ARPC3: variants seen among roughly 807,000 people sequenced by gnomAD.
The protein encoded by ARPC3 is actin-related protein 2/3 complex subunit 3.
A neutral mutation model predicts 27.6 loss-of-function variants in ARPC3; 12 were observed. That is an observed-to-expected ratio of 0.43 (90% CI 0.28 to 0.70). The LOEUF (loss-of-function observed/expected upper bound fraction) is 0.70, where lower values mean the gene tolerates loss of function less well. Among genes scored for constraint, ARPC3 ranks in the 30% least tolerant of loss-of-function variants. The pLI is 0.17. For synonymous variants in ARPC3, 53 were observed against 67.2 expected (o/e 0.79, Z 1.03); for missense variants, 153 against 207.7 (o/e 0.74, Z 1.62).
At chr12:110,448,793 T>G (rs2339483) in intron 1 of ARPC3, among the ~76,000 whole-genome samples, 3,645 of 25,974 alleles carry the variant, frequency 0.14, 16 homozygotes, top group Non-Finnish European at 0.18. Context: ...GGGGGGGGGG[T>G]GGTGGTACAG....
In ARPC3 at chr12:110,445,619, T is replaced by C; in HGVS notation, c.7-68A>G. 2.1e-5 allele frequency: 25 copies of C among 1,209,158 alleles called. No homozygotes were observed. In the South Asian group the frequency reaches 2.9e-4, roughly 14 times the overall value. The allele number at this position is 1,209,158 out of a possible 1,614,324, so 74.9% of individuals were successfully genotyped here. A position where few individuals can be genotyped will look rare whatever the true frequency, so the allele number is the denominator to read the frequency against. ...GCAAATGTCACTGTGGCAAACAACC[T>C]TCCCTTAAAGGAAAAAAAGAGTAAA... On this transcript the variant is annotated intron_variant, in intron 1 of 6. Coordinates refer to ENST00000228825, the MANE Select transcript of ARPC3 (RefSeq NM_001278556.2).
intron 2 of ARPC3, among the ~76,000 whole-genome samples, chr12:110,441,612 A>G (rs1275627048): frequency 6.6e-6 from 1 of 151,938 alleles, no homozygotes; most frequent in African/African-American, 2.4e-5. Context: ...CTCACCACAG[A>G]CTTGAATTCC....
chr12:110,437,392 G>A (rs1232457387), intron 3 of ARPC3: 2 of 444,918 alleles, frequency 4.5e-6, no homozygotes, highest in Admixed American at 7.0e-5. Flanking sequence ...TTTTGAGACG[G>A]AGTCTTGCTC....
chr12:110,442,102 G>A (rs2062440713), intron 2 of ARPC3, among the ~76,000 whole-genome samples: 1 of 150,850 alleles, frequency 6.6e-6, no homozygotes, highest in African/African-American at 2.4e-5. Flanking sequence ...TCAAACTCCT[G>A]GCCTCAAGTG....
chr12:110,450,237 C>G lies in ARPC3; in HGVS notation c.6+18G>C. 1 of 1,614,118 alleles carries G rather than the reference C, an allele frequency of 6.2e-7. No homozygotes were observed. The highest frequency in any genetic ancestry group is 8.5e-7 in the Non-Finnish European group (1 of 1,179,986). ...CGCAATCCCCGCTGTCTCCCCACAC[C>G]GTGGATCGAACCCTCACCGGCATCT... On this transcript the variant is annotated intron_variant, in intron 1 of 6. Coordinates refer to ENST00000228825, the MANE Select transcript of ARPC3 (RefSeq NM_001278556.2).
chr12:110,435,249 C>A (rs749486124), intron 6 of ARPC3, 32 bp from the exon 7 acceptor site: 2 of 1,524,226 alleles, frequency 1.3e-6, no homozygotes, highest in Non-Finnish European at 1.8e-6. Context: ...GAATGAACAG[C>A]GGGGTCAAAT....
chr12:110,436,686 G>GTAAAA lies in ARPC3; in HGVS notation c.253-4_253-3insTTTTA. ...TCACCTTGGCTTTTGGAATTGCACT[G>GTAAAA]GAAAAAAAAATATATATATATATAT... On this transcript the variant is annotated splice_region_variant and splice_polypyrimidine_tract_variant and intron_variant, in intron 4 of 6. Coordinates refer to ENST00000228825, the MANE Select transcript of ARPC3 (RefSeq NM_001278556.2). 2.6e-6 allele frequency: 3 copies of GTAAAA among 1,150,500 alleles called. No homozygotes were observed. The highest frequency in any genetic ancestry group is 3.0e-5 in the East Asian group (1 of 33,788). The allele number at this position is 1,150,500 out of a possible 1,614,324, so 71.3% of individuals were successfully genotyped here.
chr12:110,440,849 G>GTT (rs1232600792), intron 2 of ARPC3, among the ~76,000 whole-genome samples: 1 of 91,312 alleles, frequency 1.1e-5, no homozygotes, highest in Non-Finnish European at 2.3e-5. Context: ...CCCAGCCTTT[G>GTT]TTTTTTTTTT....
chr12:110,444,438 CCAT>C (rs1325381219), intron 2 of ARPC3, among the ~76,000 whole-genome samples: 1 of 152,008 alleles, frequency 6.6e-6, no homozygotes, highest in African/African-American at 2.4e-5. Flanking sequence ...GTGCCCACCA[CCAT>C]GCCTAGCTAA....
chr12:110,442,921 A>G (rs1306292850), intron 2 of ARPC3: 2 of 152,080 alleles, frequency 1.3e-5, no homozygotes, highest in Admixed American at 6.6e-5. Context: ...CAGGGTCTTG[A>G]TATCTGGCAG....
chr12:110,447,859 T>C (rs903097928), intron 1 of ARPC3, among the ~76,000 whole-genome samples: 4 of 150,980 alleles, frequency 2.6e-5, no homozygotes, highest in East Asian at 1.9e-4. Context: ...CTATGTGCGA[T>C]TGGAACCAGT....
chr12:110,437,207 G>T, intron 3 of ARPC3, 55 bp from the exon 4 acceptor site: 1 of 1,132,432 alleles, frequency 8.8e-7, no homozygotes, highest in Non-Finnish European at 1.3e-6. Flanking sequence ...ACAATGATGT[G>T]CAATGTATGC....
intron 3 of ARPC3, among the ~76,000 whole-genome samples, chr12:110,438,435 C>T (rs546857355): frequency 1.3e-5 from 2 of 150,662 alleles, no homozygotes; most frequent in South Asian, 2.1e-4. Context: ...CTGTCCCTAC[C>T]AAAAAATACA....
chr12:110,436,738 ACAC>A lies in ARPC3; in HGVS notation c.253-58_253-56del. 5 of 1,103,728 alleles carry A rather than the reference ACAC, an allele frequency of 4.5e-6. No individual in the cohort carries two copies. In the East Asian group the frequency reaches 1.3e-4, roughly 29 times the overall value. 68.4% of individuals were successfully genotyped at this position (1,103,728 alleles called of 1,614,324 possible). ...CACACACACACACACACACACACAC[ACAC>A]ACACACACACACATATTTTACAGGG... is the stretch of plus-strand genomic sequence containing the variant. On this transcript the variant is annotated intron_variant, in intron 4 of 6. Coordinates refer to ENST00000228825, the MANE Select transcript of ARPC3 (RefSeq NM_001278556.2).
chr12:110,442,176 A>T (rs1442601579), intron 2 of ARPC3, among the ~76,000 whole-genome samples: 7 of 152,038 alleles, frequency 4.6e-5, no homozygotes, highest in African/African-American at 1.7e-4. Flanking sequence ...CAAAAAAAAA[A>T]TTTTTAATTG....
chr12:110,440,427 G>A (rs747292500), intron 2 of ARPC3, 39 bp from the exon 3 acceptor site: 2 of 1,380,172 alleles, frequency 1.4e-6, no homozygotes, highest in South Asian at 2.3e-5. Flanking sequence ...GAGAACATTA[G>A]CCAAATACAA....
At chr12:110,437,520 ACCACG>A (rs2062413138) in intron 3 of ARPC3, among the ~76,000 whole-genome samples, 1 of 152,076 alleles carries the variant, frequency 6.6e-6, no homozygotes, top group Non-Finnish European at 1.5e-5. Flanking sequence ...GGTGCCCGCC[ACCACG>A]CCTGGCTAAT....
At chr12:110,449,513 G>C (rs2062487588) in intron 1 of ARPC3, among the ~76,000 whole-genome samples, 1 of 152,092 alleles carries the variant, frequency 6.6e-6, no homozygotes, top group South Asian at 2.1e-4. Context: ...AGTGAGCCGA[G>C]ATCGCCTCAC....
chr12:110,440,441 A>C, intron 2 of ARPC3, 53 bp from the exon 3 acceptor site: 2 of 1,210,408 alleles, frequency 1.7e-6, no homozygotes, highest in Non-Finnish European at 2.5e-6. Context: ...AATACAAAAC[A>C]TAACAACTAT....
Sources: allele counts gnomAD v4.1 joint callset (sites outside exome capture counted in the v4.1 genomes callset), GRCh38; gene constraint gnomAD v4.1.1; transcripts MANE v1.5; gene names NCBI Gene and HGNC (gene_info 2026-07-23, HGNC 2026-07-21).